Variants in TNR observed in about 807,000 individuals in gnomAD.
TNR encodes tenascin-R.
In TNR, 45 loss-of-function variants were observed where a neutral mutation model predicts 150.4. That is an observed-to-expected ratio of 0.30 (90% confidence interval 0.24 to 0.38). The LOEUF is 0.38. Ranked by LOEUF, TNR falls within the 10% of genes least tolerant of loss-of-function variation. The probability of loss-of-function intolerance (pLI) is 1.00; values close to 1 mark genes in which losing one functional copy is unlikely to be tolerated. For synonymous variants in TNR, 687 were observed against 678.4 expected (o/e 1.01, Z -0.20); for missense variants, 1,544 against 1,759.1 (o/e 0.88, Z 2.19).
chr1:175,437,981 C>T (rs1655592415), intron 2 of TNR, among the ~76,000 whole-genome samples: 3 of 152,312 alleles, frequency 2.0e-5, no homozygotes, highest in South Asian at 4.1e-4. Context: ...CCTTCTGAAA[C>T]TATTCCAGTC....
At chr1:175,348,417 A>G (rs913765482) in intron 18 of TNR, among the ~76,000 whole-genome samples, 2 of 152,204 alleles carry the variant, frequency 1.3e-5, no homozygotes, top group African/African-American at 4.8e-5. Context: ...TTGATAAACT[A>G]AACTTGTTAA....
At chr1:175,406,165 C>G in intron 3 of TNR, 51 bp downstream of exon 3, 3 of 1,580,782 alleles carry the variant, frequency 1.9e-6, no homozygotes, top group Non-Finnish European at 2.6e-6. Flanking sequence ...CCTCTCTGCT[C>G]AGCCCTCTCC....
At chr1:175,332,502 T>C (rs568129237) in intron 20 of TNR, among the ~76,000 whole-genome samples, 2 of 152,318 alleles carry the variant, frequency 1.3e-5, no homozygotes, top group South Asian at 4.1e-4. Context: ...TATCCCCAAC[T>C]TGAGTATTGC....
chr1:175,386,008 G>T (rs745438757), intron 8 of TNR, 24 bp downstream of exon 8: 1 of 1,538,620 alleles, frequency 6.5e-7, no homozygotes, highest in Admixed American at 2.0e-5. Context: ...CTCCTTGTGC[G>T]TCTCTCCCCC....
chr1:175,436,907 C>T (rs1655537371), intron 2 of TNR, among the ~76,000 whole-genome samples: 1 of 152,154 alleles, frequency 6.6e-6, no homozygotes, highest in Admixed American at 6.5e-5. Flanking sequence ...TACAAAGAGA[C>T]TTAGACTCCC....
intron 1 of TNR, among the ~76,000 whole-genome samples, chr1:175,656,890 A>T (rs780715492): frequency 1.2e-4 from 18 of 152,104 alleles, no homozygotes; most frequent in Admixed American, 3.3e-4. Flanking sequence ...CATTTTTATG[A>T]TTGGAAGTAT....
intron 1 of TNR, among the ~76,000 whole-genome samples, chr1:175,676,685 C>T (rs1192017030): frequency 6.6e-6 from 1 of 152,216 alleles, no homozygotes; most frequent in Non-Finnish European, 1.5e-5. Flanking sequence ...CTATTTCTCC[C>T]TTCCTTCTAC....
chr1:175,600,807 C>T (rs569677485), intron 1 of TNR, among the ~76,000 whole-genome samples: 9 of 152,264 alleles, frequency 5.9e-5, no homozygotes, highest in African/African-American at 2.2e-4. Context: ...AAAACGAAAA[C>T]AATGAAAAAC....
At chr1:175,379,417 C>T in intron 9 of TNR, 135 bp downstream of exon 9, 4 of 709,888 alleles carry the variant, frequency 5.6e-6, no homozygotes, top group Non-Finnish European at 9.3e-6. Context: ...TAGTACTAGA[C>T]ATATGTGCTA....
At chr1:175,393,729 G>T in intron 6 of TNR, 51 bp downstream of exon 6, 1 of 1,445,308 alleles carries the variant, frequency 6.9e-7, no homozygotes, top group Non-Finnish European at 9.7e-7. Context: ...CAAGCTAAAG[G>T]TACAAATATT....
chr1:175,737,790 A>T (rs1667812462), intron 1 of TNR, among the ~76,000 whole-genome samples: 1 of 152,188 alleles, frequency 6.6e-6, no homozygotes, highest in African/African-American at 2.4e-5. Context: ...GCCCTGCTCT[A>T]GGATAGGGGT....
intron 1 of TNR, among the ~76,000 whole-genome samples, chr1:175,731,325 C>T (rs1667634775): frequency 6.6e-6 from 1 of 152,172 alleles, no homozygotes; most frequent in African/African-American, 2.4e-5. Flanking sequence ...TTGGGCAAGT[C>T]ACTGAAACTC....
At chr1:175,723,198 C>T (rs138232092) in intron 1 of TNR, among the ~76,000 whole-genome samples, 131 of 152,332 alleles carry the variant, frequency 8.6e-4, no homozygotes, top group African/African-American at 3.0e-3. Flanking sequence ...TATTTTCCCA[C>T]ATAGCTTTCT....
At chr1:175,347,821 T>C (rs1015053676) in intron 18 of TNR, among the ~76,000 whole-genome samples, 1 of 152,214 alleles carries the variant, frequency 6.6e-6, no homozygotes, top group African/African-American at 2.4e-5. Context: ...GATAATGCTT[T>C]AGTTGCATTC....
chr1:175,703,766 C>T (rs1666768402), intron 1 of TNR, among the ~76,000 whole-genome samples: 1 of 152,156 alleles, frequency 6.6e-6, no homozygotes, highest in Admixed American at 6.6e-5. Context: ...AATTAAAACA[C>T]CCAGAAGACA....
intron 1 of TNR, among the ~76,000 whole-genome samples, chr1:175,687,106 G>C (rs781607525): frequency 1.3e-5 from 2 of 152,206 alleles, no homozygotes; most frequent in Non-Finnish European, 2.9e-5. Context: ...CATTCCCAAG[G>C]CACCATGGCA....
At chr1:175,678,554 C>G (rs1665935448) in intron 1 of TNR, among the ~76,000 whole-genome samples, 1 of 152,126 alleles carries the variant, frequency 6.6e-6, no homozygotes. Flanking sequence ...CCTGCCCTGC[C>G]CACCTCCCCT....
intron 2 of TNR, among the ~76,000 whole-genome samples, chr1:175,503,883 A>G (rs1022609787): frequency 3.3e-5 from 5 of 152,196 alleles, no homozygotes; most frequent in Non-Finnish European, 5.9e-5. Context: ...TGCAGCCTGC[A>G]GGGAATCGAA....
intron 1 of TNR, among the ~76,000 whole-genome samples, chr1:175,676,596 G>C (rs1260057693): frequency 6.6e-6 from 1 of 152,164 alleles, no homozygotes; most frequent in South Asian, 2.1e-4. Context: ...GAGGATCACA[G>C]CTGGAAAGGC....
Sources: gnomAD v4.1 joint callset for allele counts (sites outside exome capture counted in the v4.1 genomes callset) on GRCh38, gnomAD v4.1.1 for gene constraint, MANE v1.5 for transcripts, NCBI Gene and HGNC (gene_info 2026-07-23, HGNC 2026-07-21) for gene names.